IQCK: variants seen among roughly 807,000 people sequenced by gnomAD.
IQCK encodes IQ domain-containing protein K.
A neutral mutation model predicts 28.1 loss-of-function variants in IQCK; 29 were observed. The observed-to-expected ratio is 1.03, with a 90% CI of 0.77 to 1.41. IQCK has a LOEUF of 1.41. IQCK is among the 40% of genes most tolerant of loss of function. The pLI, the probability that IQCK is intolerant of heterozygous loss-of-function variation, is 0.00. For missense variants in IQCK, 359 were observed against 314.7 expected (o/e 1.14, Z -1.07); for synonymous variants, 113 against 115.1 (o/e 0.98, Z 0.12).
chr16:19,732,330 G>A (rs1977866826), intron 2 of IQCK, among the ~76,000 whole-genome samples: 1 of 152,174 alleles, frequency 6.6e-6, no homozygotes, highest in African/African-American at 2.4e-5. Context: ...TTGTGGGTTT[G>A]TTTTCTGGAT....
chr16:19,725,328 C>T (rs1461422987), intron 1 of IQCK, among the ~76,000 whole-genome samples: 1 of 152,122 alleles, frequency 6.6e-6, no homozygotes. Flanking sequence ...TCCCAAGTAG[C>T]TGGGATTACA....
At chr16:19,735,371 T>C (rs1445088722) in exon 4 of IQCK, 5 of 1,613,704 alleles carry the variant, frequency 3.1e-6, no homozygotes, top group Non-Finnish European at 4.2e-6. Context: ...AAAGAATATT[T>C]GGAAACTTTC....
intron 6 of IQCK, among the ~76,000 whole-genome samples, chr16:19,777,703 G>T (rs1204158639): frequency 6.6e-6 from 1 of 152,140 alleles, no homozygotes; most frequent in African/African-American, 2.4e-5. Flanking sequence ...TTTCTCAGGC[G>T]CACTCAGTAC....
rs1001437822 is a variant in IQCK at position 19,825,830 on chromosome 16, G to T, written c.691-1196G>T. On this transcript the variant is annotated intron_variant, in intron 7 of 7. Coordinates refer to ENST00000564186, the Ensembl canonical transcript of IQCK. The surrounding 1 kb of genome is among the most constrained non-coding windows in gnomAD (Gnocchi z 4.2). ...CACAAAAGTTGGTATGAAGTAAGCA[G>T]TCAGTGTTAAATAGAACTGTGGTTA... Among the ~76,000 whole-genome samples, 6 of 152,268 alleles carry T rather than the reference G, an allele frequency of 3.9e-5. No individual in the cohort carries two copies. The East Asian group carries it at 1.2e-3, about 29-fold the overall frequency.
chr16:19,832,904 A>G (rs1454533347), intron 9 of IQCK, among the ~76,000 whole-genome samples: 1 of 152,074 alleles, frequency 6.6e-6, no homozygotes, highest in East Asian at 1.9e-4. Context: ...TATCATAAGA[A>G]CAGTATGGGG....
intron 6 of IQCK, among the ~76,000 whole-genome samples, chr16:19,766,840 TG>T (rs1217886000): frequency 6.6e-6 from 1 of 152,082 alleles, no homozygotes; most frequent in East Asian, 1.9e-4. Context: ...GAGGCCGAGG[TG>T]GGTAGGTCAC....
At chr16:19,838,454 C>T (rs2056323989) in intron 9 of IQCK, among the ~76,000 whole-genome samples, 1 of 152,112 alleles carries the variant, frequency 6.6e-6, no homozygotes, top group African/African-American at 2.4e-5. Flanking sequence ...AAGGAGGCTC[C>T]TCCTGTCACT....
intron 9 of IQCK, among the ~76,000 whole-genome samples, chr16:19,832,740 A>G (rs2056248149): frequency 6.6e-6 from 1 of 152,222 alleles, no homozygotes; most frequent in Non-Finnish European, 1.5e-5. Flanking sequence ...TAATTGACTT[A>G]CAGTTCTGCA....
At chr16:19,764,631 A>G (rs1242212734) in intron 6 of IQCK, among the ~76,000 whole-genome samples, 2 of 151,846 alleles carry the variant, frequency 1.3e-5, no homozygotes, top group African/African-American at 4.8e-5. Context: ...TTATTTAGCT[A>G]TATAAAATCA....
At chr16:19,818,218 G>A (rs1022106015) in intron 7 of IQCK, among the ~76,000 whole-genome samples, 1 of 152,042 alleles carries the variant, frequency 6.6e-6, no homozygotes, top group Non-Finnish European at 1.5e-5. Flanking sequence ...ATTCTTATGA[G>A]CATGAGACTT....
intron 7 of IQCK, among the ~76,000 whole-genome samples, chr16:19,814,247 C>G (rs1200506267): frequency 1.5e-5 from 1 of 68,332 alleles, no homozygotes; most frequent in African/African-American, 6.1e-5. Flanking sequence ...AAAAAAAAAA[C>G]CACAAAAATT....
rs1412910746 is a variant in IQCK, at chr16:19,722,013, T to C, written c.181+3526T>C. 2.6e-5 allele frequency among the ~76,000 whole-genome samples: 4 copies of C among 152,350 alleles called. No individual in the cohort carries two copies. In the East Asian group the frequency reaches 5.8e-4, roughly 22 times the overall value. On this transcript the variant is annotated intron_variant, in intron 1 of 7. Transcript: ENST00000564186. The stretch of plus-strand genomic sequence containing the variant: ...GTAAAATCTGGCCTTTCATTTCACC[T>C]GCCAGATACCGACATGGATCAGTTG...
At chr16:19,742,807 A>G (rs768619455) in intron 4 of IQCK, among the ~76,000 whole-genome samples, 2 of 152,206 alleles carry the variant, frequency 1.3e-5, no homozygotes, top group Non-Finnish European at 2.9e-5. Flanking sequence ...CATGGCCCCC[A>G]TAGTGCCTGG....
At chr16:19,837,088 A>G (rs1317811516) in intron 9 of IQCK, among the ~76,000 whole-genome samples, 1 of 152,182 alleles carries the variant, frequency 6.6e-6, no homozygotes, top group Non-Finnish European at 1.5e-5. Flanking sequence ...CATTCAACAT[A>G]TCATTAATAC....
chr16:19,790,361 T>C (rs2055602309), intron 7 of IQCK, among the ~76,000 whole-genome samples: 1 of 87,086 alleles, frequency 1.1e-5, no homozygotes, highest in East Asian at 2.9e-4. Flanking sequence ...TGTATCAATG[T>C]TAACAAGCTT....
At chr16:19,808,964 T>G (rs1300701689) in intron 7 of IQCK, among the ~76,000 whole-genome samples, 1 of 152,214 alleles carries the variant, frequency 6.6e-6, no homozygotes, top group Non-Finnish European at 1.5e-5. Context: ...TTTAAGTGAT[T>G]CTCTTGCCTC....
intron 1 of IQCK, among the ~76,000 whole-genome samples, chr16:19,728,452 G>A (rs924239102): frequency 9.2e-5 from 14 of 152,124 alleles, no homozygotes; most frequent in Non-Finnish European, 1.3e-4. Context: ...GTTTCACCAT[G>A]TTAACCACTC....
chr16:19,854,926 G>C (rs1373323457), intron 9 of IQCK, among the ~76,000 whole-genome samples: 3 of 152,168 alleles, frequency 2.0e-5, no homozygotes, highest in Non-Finnish European at 4.4e-5. Context: ...AATAAAAAAG[G>C]TATATACCTT....
chr16:19,742,299 T>A (rs1301263882), intron 4 of IQCK, among the ~76,000 whole-genome samples: 2 of 152,226 alleles, frequency 1.3e-5, no homozygotes, highest in African/African-American at 4.8e-5. Context: ...AAATTACTAT[T>A]AACTTTCTTC....
Sources: gnomAD v4.1 joint callset for allele counts (sites outside exome capture counted in the v4.1 genomes callset) on GRCh38, gnomAD v4.1.1 for gene constraint, Gnocchi (gnomAD v3.1) non-coding constraint, MANE v1.5 for transcripts, NCBI Gene and HGNC (gene_info 2026-07-23, HGNC 2026-07-21) for gene names.